The following PATJ variants were observed in gnomAD, a reference collection of about 807,000 sequenced individuals.
PATJ encodes the protein PATJ crumbs cell polarity complex component.
PATJ carries 190 observed loss-of-function variants against 224.9 expected under a neutral mutation model. That is an observed-to-expected ratio of 0.84 (90% CI 0.75 to 0.95). The LOEUF (loss-of-function observed/expected upper bound fraction) is 0.95. PATJ is among the 40% of genes least tolerant of loss of function. The pLI, the probability that PATJ is intolerant of heterozygous loss-of-function variation, is 0.00. For missense variants in PATJ, 2,121 were observed against 2,270.3 expected, an observed-to-expected ratio of 0.93 and a Z score of 1.34; for synonymous variants, 769 against 820.3, an observed-to-expected ratio of 0.94 and a Z score of 1.07.
intron 7 of PATJ, among the ~76,000 whole-genome samples, chr1:61,778,517 G>A (rs1647063248): frequency 6.6e-6 from 1 of 152,082 alleles, no homozygotes; most frequent in Non-Finnish European, 1.5e-5. Context: ...TAGGCTGAAA[G>A]GACTATTATA....
chr1:61,835,841 G>A (rs902735585), intron 17 of PATJ, among the ~76,000 whole-genome samples: 25 of 152,068 alleles, frequency 1.6e-4, no homozygotes, highest in African/African-American at 9.7e-5. Flanking sequence ...GTTAATAATC[G>A]ATTTTGATAA....
In PATJ at chr1:61,791,352, G is replaced by A; in HGVS notation, c.1073G>A (p.Ser358Asn). The A allele has an allele frequency of 6.2e-7, 1 of 1,600,140 alleles. No homozygotes were observed. Among genetic ancestry groups the A allele is most frequent in the Non-Finnish European group, 8.6e-7 (1 of 1,168,012 alleles). Residue 358 changes from serine (S) to asparagine (N), a missense_variant, in exon 9 of 44, where the codon AGT becomes AAT. By Grantham distance (46) the Ser-to-Asn change is conservative. Transcript: ENST00000642238. ...AAATTTGTTTTTTCCTTTTAGGACA[G>A]TTCTCTTTTTGAAACTTATAATGTT... Reference protein sequence around the residue: ...TVASKGPGSDSSLFETYNVEL... With the variant: ...TVASKGPGSDNSLFETYNVEL...
chr1:62,042,166 A>G (rs576440518), intron 30 of PATJ, among the ~76,000 whole-genome samples: 1 of 152,352 alleles, frequency 6.6e-6, no homozygotes, highest in East Asian at 1.9e-4. Context: ...AAATCACATT[A>G]GGCATTTAAA....
intron 43 of PATJ, among the ~76,000 whole-genome samples, chr1:62,159,215 C>CA (rs1414046002): frequency 1.3e-5 from 2 of 151,964 alleles, no homozygotes; most frequent in African/African-American, 4.8e-5. Flanking sequence ...ATTTTTGAGA[C>CA]AGAGTTTACT....
intron 17 of PATJ, among the ~76,000 whole-genome samples, chr1:61,853,335 A>G (rs1315801768): frequency 2.6e-5 from 4 of 152,206 alleles, no homozygotes; most frequent in Non-Finnish European, 4.4e-5. Context: ...TATTTGGGTT[A>G]AAAATAATAT....
intron 27 of PATJ, chr1:61,952,278 G>A (rs915528756): frequency 4.6e-5 from 25 of 543,244 alleles, no homozygotes; most frequent in South Asian, 2.6e-4. Context: ...GAGAGAGAGA[G>A]AAAAATAGGC....
chr1:61,829,439 G>A (rs1407612209), intron 16 of PATJ, among the ~76,000 whole-genome samples: 1 of 152,114 alleles, frequency 6.6e-6, no homozygotes, highest in East Asian at 1.9e-4. Flanking sequence ...ATCTAATCTT[G>A]CAAGGTGTGT....
intron 17 of PATJ, among the ~76,000 whole-genome samples, chr1:61,841,904 T>C (rs956867421): frequency 6.6e-6 from 1 of 152,190 alleles, no homozygotes; most frequent in African/African-American, 2.4e-5. Context: ...CACAGAGGAT[T>C]TGCTTCCTTT....
intron 29 of PATJ, among the ~76,000 whole-genome samples, chr1:62,035,522 C>T (rs1194177291): frequency 2.0e-5 from 3 of 152,088 alleles, no homozygotes; most frequent in Admixed American, 6.5e-5. Context: ...TGTTAGTTAG[C>T]GGCAGGGCTG....
At chr1:62,106,158 G>GTATA (rs61653676) in intron 33 of PATJ, among the ~76,000 whole-genome samples, 547 of 48,038 alleles carry the variant, frequency 0.011, 39 homozygotes, top group East Asian at 0.046. Flanking sequence ...GTGTGTGTGT[G>GTATA]TATATATATA....
rs117405402 is a variant in PATJ at position 61,797,377 on chromosome 1, C to G, written c.1351C>G (p.Arg451Gly). The change falls in exon 11 of 44, where the codon CGA (arginine) becomes GGA (glycine). Residue 451 changes from arginine (R) to glycine (G), a missense_variant. Coordinates refer to ENST00000642238, the MANE Select transcript of PATJ (RefSeq NM_001350145.3). ...AGQVVHLTLV[R>G]RKTSSSTSPL... ...GCAGGTGGTACACCTAACCCTAGTT[C>G]GAAGGAAGACATCCTCATCTACTTC... The G allele has an allele frequency of 6.4e-5, 103 of 1,613,822 alleles. No homozygotes were observed. In the East Asian group the frequency reaches 1.7e-3, roughly 27 times the overall value.
chr1:61,920,704 T>C (rs891388221), intron 26 of PATJ, among the ~76,000 whole-genome samples: 1 of 96,258 alleles, frequency 1.0e-5, no homozygotes, highest in South Asian at 3.4e-4. Flanking sequence ...ATGGAATTCT[T>C]TTTTTTTTTT....
intron 41 of PATJ, among the ~76,000 whole-genome samples, chr1:62,148,012 G>T (rs147340463): frequency 6.6e-6 from 1 of 150,378 alleles, no homozygotes; most frequent in African/African-American, 2.4e-5. Flanking sequence ...TCCCAGCTAC[G>T]TGGGAGGCTG....
intron 27 of PATJ, among the ~76,000 whole-genome samples, chr1:61,948,252 A>G (rs1478842475): frequency 6.6e-6 from 1 of 152,236 alleles, no homozygotes; most frequent in Middle Eastern, 3.2e-3. Flanking sequence ...ACAGCAAAAG[A>G]AACTACCATC....
At chr1:61,937,368 G>A (rs1557903870) in intron 27 of PATJ, among the ~76,000 whole-genome samples, 1 of 152,056 alleles carries the variant, frequency 6.6e-6, no homozygotes, top group Non-Finnish European at 1.5e-5. Flanking sequence ...GAGTAGCTGG[G>A]ACTACAATAT....
chr1:61,921,970 G>A (rs562169106), intron 26 of PATJ, among the ~76,000 whole-genome samples: 1 of 152,274 alleles, frequency 6.6e-6, no homozygotes, highest in Admixed American at 6.5e-5. Context: ...AAAAATTCCT[G>A]CTGTCTTGCA....
intron 27 of PATJ, among the ~76,000 whole-genome samples, chr1:61,977,070 A>G (rs542354196): frequency 3.3e-5 from 5 of 152,144 alleles, no homozygotes; most frequent in South Asian, 4.1e-4. Context: ...AGGTCCTCAC[A>G]TGATAGTATT....
At chr1:62,034,674 T>C (rs1332402734) in intron 29 of PATJ, among the ~76,000 whole-genome samples, 3 of 152,152 alleles carry the variant, frequency 2.0e-5, no homozygotes, top group Admixed American at 2.0e-4. Context: ...CACTAACCAT[T>C]AAGTAGATGA....
intron 5 of PATJ, 39 bp downstream of exon 5, chr1:61,769,461 C>T (rs1477522554): frequency 1.9e-6 from 3 of 1,582,252 alleles, no homozygotes; most frequent in East Asian, 2.2e-5. Flanking sequence ...TAATTGTTTC[C>T]TGATAATTCT....
Sources: allele counts gnomAD v4.1 joint callset (sites outside exome capture counted in the v4.1 genomes callset), GRCh38; gene constraint gnomAD v4.1.1; transcripts MANE v1.5; gene names NCBI Gene and HGNC (gene_info 2026-07-23, HGNC 2026-07-21).